HIP1R: variants seen among roughly 807,000 people sequenced by gnomAD.
The protein encoded by HIP1R is huntingtin interacting protein 1 related, also known as huntingtin-interacting protein 1-related protein.
HIP1R carries 135 observed loss-of-function variants against 144.2 expected under a neutral mutation model. That is an observed-to-expected ratio of 0.94 (90% CI 0.81 to 1.08). The LOEUF is 1.08. Among genes scored for constraint, HIP1R ranks in the 50% least tolerant of loss-of-function variants. HIP1R has a pLI of 0.00. For missense variants in HIP1R, 1,462 were observed against 1,432.8 expected (o/e 1.02, Z -0.33); for synonymous variants, 698 against 612.8 (o/e 1.14, Z -2.05).
intron 1 of HIP1R, among the ~76,000 whole-genome samples, chr12:122,847,457 A>G (rs987215413): frequency 6.6e-6 from 1 of 152,212 alleles, no homozygotes; most frequent in African/African-American, 2.4e-5. Context: ...TGCAGGTGGC[A>G]GCAGGAGCTT....
intron 28 of HIP1R, 63 bp from the exon 29 acceptor site, chr12:122,860,853 G>C: frequency 6.3e-7 from 1 of 1,596,672 alleles, no homozygotes. Context: ...TGGCTGCCAA[G>C]CCCAGGCCTG....
chr12:122,854,702 T>C (rs1187199782), intron 8 of HIP1R, among the ~76,000 whole-genome samples: 1 of 152,200 alleles, frequency 6.6e-6, no homozygotes, highest in Non-Finnish European at 1.5e-5. Flanking sequence ...TTCCATTCGC[T>C]GTTTCCTTCT....
rs1341824494 is a variant in HIP1R, at chr12:122,854,871, A to T, written c.719-34A>T. On this transcript the variant is annotated intron_variant, in intron 8 of 31. Coordinates refer to ENST00000253083, the MANE Select transcript of HIP1R (RefSeq NM_003959.3). ...GCAGGTGAGCCCCTGAGCAGTGTGCAGAGAAGTCCTGTTACACTTGTGCCA... is the reference window on the plus strand; with the variant it reads ...GCAGGTGAGCCCCTGAGCAGTGTGCTGAGAAGTCCTGTTACACTTGTGCCA... 4 of 1,606,874 alleles carry T rather than the reference A, an allele frequency of 2.5e-6. No homozygotes were observed. In the East Asian group the frequency reaches 8.9e-5, roughly 36 times the overall value.
In HIP1R at chr12:122,850,818, G is replaced by A. The variant is rs1287845531; in HGVS notation, c.439-17G>A. 6.2e-7 allele frequency: 1 copy of A among 1,602,710 alleles called. No homozygotes were observed. The highest frequency in any genetic ancestry group is 1.7e-5 in the Admixed American group (1 of 59,140). The stretch of plus-strand genomic sequence containing the variant: ...GGCCCTGGTTCAGTGGCCGCTGGGT[G>A]GGGGTTCTCTCCACAGCATCCCCAG... On this transcript the variant is annotated splice_polypyrimidine_tract_variant and intron_variant, in intron 5 of 31. Transcript: ENST00000253083.
In HIP1R at chr12:122,848,024, C is replaced by T. The variant is rs762718504; in HGVS notation, c.94-7C>T. ...GGCTCTAAACACTGCTCCTTTGTCC[C>T]TCACAGGCCATCAGCATCAGCAAAG... On this transcript the variant is annotated splice_polypyrimidine_tract_variant and splice_region_variant and intron_variant, in intron 1 of 31. Transcript: ENST00000253083. 7 of 1,613,558 alleles carry T rather than the reference C, an allele frequency of 4.3e-6. No homozygotes were observed. The highest frequency in any genetic ancestry group is 3.4e-6 in the Non-Finnish European group (4 of 1,179,926).
chr12:122,851,425 C>T (rs1253504852), intron 7 of HIP1R, 128 bp downstream of exon 7: 1 of 680,112 alleles, frequency 1.5e-6, no homozygotes, highest in Non-Finnish European at 2.2e-6. Context: ...TGGCCAGCCG[C>T]AGTGGCTCAC....
In HIP1R at chr12:122,860,760, G is replaced by T. The variant is rs765862895; in HGVS notation, c.2742G>T (p.Thr914=). The change falls in exon 28 of 32, where the codon ACG becomes ACT. Residue 914 remains threonine, a synonymous_variant. Coordinates refer to ENST00000253083, the MANE Select transcript of HIP1R (RefSeq NM_003959.3). ...IVCSHEIAAS[T]AQLVAASKVK... is the part of the protein sequence containing the mutation. ...GCTCCCACGAGATCGCAGCCAGCAC[G>T]GCCCAGCTGGTGGCGGCCTCCAAGG... The T allele has an allele frequency of 1.2e-6, 2 of 1,613,004 alleles. No homozygotes were observed. Among genetic ancestry groups the T allele is most frequent in the Admixed American group, 3.3e-5 (2 of 60,000 alleles).
Position 122,854,886 on chromosome 12 carries a change from C to A in HIP1R, c.719-19C>A, listed in dbSNP as rs369853543. On this transcript the variant is annotated intron_variant, in intron 8 of 31. Coordinates refer to ENST00000253083, the MANE Select transcript of HIP1R (RefSeq NM_003959.3). ...AGCAGTGTGCAGAGAAGTCCTGTTA[C>A]ACTTGTGCCACCCTCCAGGTCTCCC... 1.9e-5 allele frequency: 31 copies of A among 1,611,694 alleles called. No individual in the cohort carries two copies. The highest frequency in any genetic ancestry group is 2.5e-5 in the Non-Finnish European group (29 of 1,179,248).
intron 24 of HIP1R, 52 bp from the exon 25 acceptor site, chr12:122,859,995 C>T (rs1057209809): frequency 1.0e-5 from 16 of 1,526,658 alleles, no homozygotes; most frequent in South Asian, 7.7e-5. Flanking sequence ...GCCATGGCGT[C>T]GTGTGGGCTG....
chr12:122,849,777 G>A (rs1470825969), intron 4 of HIP1R, 98 bp from the exon 5 acceptor site: 6 of 766,986 alleles, frequency 7.8e-6, no homozygotes, highest in Admixed American at 6.4e-5. Flanking sequence ...GTTGAATGAA[G>A]AAGTGCCCGG....
At chr12:122,847,865 G>C (rs1211831299) in intron 1 of HIP1R, among the ~76,000 whole-genome samples, 166 bp from the exon 2 acceptor site, 1 of 152,186 alleles carries the variant, frequency 6.6e-6, no homozygotes, top group African/African-American at 2.4e-5. Flanking sequence ...CAGGCACAGG[G>C]AAGTCCTTCA....
intron 7 of HIP1R, among the ~76,000 whole-genome samples, chr12:122,853,115 T>G (rs1417450082): frequency 6.6e-6 from 1 of 152,120 alleles, no homozygotes; most frequent in Non-Finnish European, 1.5e-5. Context: ...TGCCTGCTCT[T>G]TGTCATTCTC....
chr12:122,835,785 C>A, intron 1 of HIP1R, 142 bp downstream of exon 1: 2 of 415,686 alleles, frequency 4.8e-6, no homozygotes, highest in Non-Finnish European at 6.5e-6. Flanking sequence ...GGCCTGTGTC[C>A]GCCCGGGCTC....
intron 1 of HIP1R, among the ~76,000 whole-genome samples, chr12:122,842,243 T>C (rs957751323): frequency 6.6e-6 from 1 of 152,206 alleles, no homozygotes; most frequent in Non-Finnish European, 1.5e-5. Flanking sequence ...AACGTTCTTG[T>C]CCCTGCCAAG....
chr12:122,860,836 T>G, intron 28 of HIP1R, 52 bp downstream of exon 28: 1 of 1,599,086 alleles, frequency 6.3e-7, no homozygotes, highest in African/African-American at 1.3e-5. Context: ...CAGCTTGGCC[T>G]GGGCTGTGGC....
rs1446210723 is a variant in HIP1R, at chr12:122,850,764, C to T, written c.439-71C>T. ...CAGTGGCCGCTGGGTGGGGGGGAGCCCTGGTTCGGTGGCCGCCAGGTGTGG... is the reference window on the plus strand; with the variant it reads ...CAGTGGCCGCTGGGTGGGGGGGAGCTCTGGTTCGGTGGCCGCCAGGTGTGG... On this transcript the variant is annotated intron_variant, in intron 5 of 31. Transcript: ENST00000253083. The T allele has an allele frequency of 2.6e-6, 3 of 1,174,970 alleles. No homozygotes were observed. In the Admixed American group the frequency reaches 7.0e-5, roughly 27 times the overall value. The allele number at this position is 1,174,970 out of a possible 1,614,324, so 72.8% of individuals were successfully genotyped here.
At chr12:122,839,450 G>A (rs1416501516) in intron 1 of HIP1R, among the ~76,000 whole-genome samples, 1 of 152,238 alleles carries the variant, frequency 6.6e-6, no homozygotes, top group East Asian at 1.9e-4. Flanking sequence ...TTCCTGTGGG[G>A]CAGGGACTGT....
rs1324765145 is a variant in HIP1R at position 122,861,373 on chromosome 12, G to A, written c.3018G>A (p.Lys1006=). Residue 1006 remains lysine, a synonymous_variant, in exon 31 of 32, where the codon AAG becomes AAA. Transcript: ENST00000253083. ...AERMRLGELR[K]QHYVLAGASG... ...GCATGCGGCTGGGGGAGTTGCGGAA[G>A]CAACACTACGTGCTGGCTGGGGCAT... 1.9e-6 allele frequency: 3 copies of A among 1,613,588 alleles called. No homozygotes were observed. The highest frequency in any genetic ancestry group is 1.7e-5 in the Admixed American group (1 of 60,018).
intron 1 of HIP1R, among the ~76,000 whole-genome samples, chr12:122,846,115 G>A (rs1251072221): frequency 1.3e-5 from 2 of 152,322 alleles, no homozygotes; most frequent in Admixed American, 6.5e-5. Context: ...ACACCCCGGA[G>A]ACGGACACGC....
Sources: gnomAD v4.1 joint callset for allele counts (sites outside exome capture counted in the v4.1 genomes callset) on GRCh38, gnomAD v4.1.1 for gene constraint, MANE v1.5 for transcripts, NCBI Gene and HGNC (gene_info 2026-07-23, HGNC 2026-07-21) for gene names.